The following TMEM70 variants were observed in gnomAD, a reference collection of about 807,000 sequenced individuals.
The protein encoded by TMEM70 is transmembrane protein 70, mitochondrial.
TMEM70 carries 15 observed loss-of-function variants against 20.5 expected under a neutral mutation model. The ratio of observed to expected loss-of-function variants is 0.73; its 90% CI spans 0.49 to 1.13. TMEM70 has a LOEUF of 1.13. TMEM70 is among the 50% of genes most tolerant of loss of function. The pLI is 0.00. For missense variants in TMEM70, 344 were observed against 331.7 expected (o/e 1.04, Z -0.29); for synonymous variants, 141 against 134.2 (o/e 1.05, Z -0.35).
At chr8:73,978,468 T>C (rs1325361156) in intron 1 of TMEM70, among the ~76,000 whole-genome samples, 1 of 147,478 alleles carries the variant, frequency 6.8e-6, no homozygotes. Flanking sequence ...AGGTGGCAGA[T>C]CACTTGAGGT....
chr8:73,978,632 A>G (rs1815711603), intron 1 of TMEM70, 124 bp from the exon 2 acceptor site: 3 of 946,188 alleles, frequency 3.2e-6, no homozygotes, highest in South Asian at 1.5e-5. Context: ...AGAGGTTGCA[A>G]TGGTGAGCTG....
In TMEM70 at chr8:73,979,208, T is replaced by C. The variant is rs1464557808; in HGVS notation, c.316+347T>C. 7.9e-6 allele frequency: 3 copies of C among 381,756 alleles called. No individual in the cohort carries two copies. In the East Asian group the frequency reaches 2.2e-4, roughly 28 times the overall value. The allele number at this position is 381,756 out of a possible 1,614,324, so 23.6% of individuals were successfully genotyped here. A position where few individuals can be genotyped will look rare whatever the true frequency, so the allele number is the denominator to read the frequency against. ...CACACTTGGCCAATTTTTGTATTTT[T>C]AGTAGAGACAGGGTTTCACCATGTT... On this transcript the variant is annotated intron_variant, in intron 2 of 2. Coordinates refer to ENST00000312184, the MANE Select transcript of TMEM70 (RefSeq NM_017866.6).
chr8:73,980,407 C>T (rs1203900384), intron 2 of TMEM70, among the ~76,000 whole-genome samples: 1 of 150,046 alleles, frequency 6.7e-6, no homozygotes, highest in African/African-American at 2.5e-5. Flanking sequence ...CTCGCTTTGT[C>T]TCCCAAGCTG....
chr8:73,980,161 T>G (rs1392644887), intron 2 of TMEM70, among the ~76,000 whole-genome samples: 1 of 152,056 alleles, frequency 6.6e-6, no homozygotes, highest in Non-Finnish European at 1.5e-5. Context: ...CAATCTGGGC[T>G]CACTGCAACC....
At position 73,982,345 on chromosome 8, in the gene TMEM70, A is replaced by T; in HGVS notation, c.*724A>T. On this transcript the variant is annotated 3_prime_UTR_variant, in exon 3 of 3. Coordinates refer to ENST00000312184, the MANE Select transcript of TMEM70 (RefSeq NM_017866.6). Reference sequence around the variant, plus strand: ...AAACTTACGGTGAAGGTTCTAAGGCATGGGATCGTTTCCAGATGAGAATCC... The same window carrying T: ...AAACTTACGGTGAAGGTTCTAAGGCTTGGGATCGTTTCCAGATGAGAATCC... 2 of 701,546 alleles carry T rather than the reference A, an allele frequency of 2.9e-6. No homozygotes were observed. Among genetic ancestry groups the T allele is most frequent in the Non-Finnish European group, 5.1e-6 (2 of 389,224 alleles). The allele number at this position is 701,546 out of a possible 1,614,324, so 43.5% of individuals were successfully genotyped here. A position where few individuals can be genotyped will look rare whatever the true frequency, so the allele number is the denominator to read the frequency against.
intron 2 of TMEM70, 129 bp from the exon 3 acceptor site, chr8:73,981,026 T>C: frequency 1.3e-6 from 1 of 765,568 alleles, no homozygotes; most frequent in Non-Finnish European, 2.2e-6. Context: ...TAATAAGCAC[T>C]GTATTTATGG....
At chr8:73,977,369 G>A (rs903069553) in intron 1 of TMEM70, among the ~76,000 whole-genome samples, 1 of 151,528 alleles carries the variant, frequency 6.6e-6, no homozygotes, top group African/African-American at 2.4e-5. Flanking sequence ...TGTATTTTTA[G>A]TAGAGACGGG....
At chr8:73,976,582 C>G (rs1815654681) in intron 1 of TMEM70, 91 bp downstream of exon 1, 1 of 1,271,212 alleles carries the variant, frequency 7.9e-7, no homozygotes, top group Non-Finnish European at 1.0e-6. Flanking sequence ...TTCGCGACCT[C>G]TCCCAGGTGT....
In TMEM70 at chr8:73,978,794, T is replaced by TA; in HGVS notation, c.250dup (p.Thr84AsnfsTer4). 1.9e-6 allele frequency: 3 copies of TA among 1,614,086 alleles called. No homozygotes were observed. The highest frequency in any genetic ancestry group is 2.5e-6 in the Non-Finnish European group (3 of 1,179,938). ...GGGAAGGATATGTTCGATTCTTAAATACGCCATCTGACAAATCAGAAGATG... is the reference window on the plus strand; with the variant it reads ...GGGAAGGATATGTTCGATTCTTAAATAACGCCATCTGACAAATCAGAAGATG... On this transcript the variant is annotated frameshift_variant, in exon 2 of 3. Transcript: ENST00000312184. LOFTEE classifies it high-confidence loss of function.
chr8:73,978,972 A>G (rs1815722968), intron 2 of TMEM70, 111 bp downstream of exon 2: 2 of 1,329,162 alleles, frequency 1.5e-6, no homozygotes, highest in Non-Finnish European at 2.1e-6. Flanking sequence ...ACAAGACGTA[A>G]GGAAAATTAG....
At position 73,976,323 on chromosome 8, in the gene TMEM70, G is replaced by A. The variant is rs747372086; in HGVS notation, c.42G>A (p.Leu14=). 55 of 1,600,864 alleles carry A rather than the reference G, an allele frequency of 3.4e-5. No homozygotes were observed. In the Admixed American group the frequency reaches 7.3e-4, roughly 21 times the overall value. Reference sequence around the variant, plus strand: ...TGGGCAGCCCGTGGGCGGTCGAACTGCCTCTCTGCGGAAGGAGGACTGCAT... The same window carrying A: ...TGGGCAGCCCGTGGGCGGTCGAACTACCTCTCTGCGGAAGGAGGACTGCAT... ...LALGSPWAVE[L]PLCGRRTALC... The change falls in exon 1 of 3, where the codon CTG becomes CTA. Residue 14 remains leucine, a synonymous_variant. Transcript: ENST00000312184.
In TMEM70 at chr8:73,981,449, A is replaced by T. The variant is rs764178639; in HGVS notation, c.611A>T (p.Asp204Val). The stretch of plus-strand genomic sequence containing the variant: ...CACCAGAATGATGTGAAGATTCCAG[A>T]TGCTAAACATGTATTTACCACATTT... ...VFHQNDVKIP[D>V]AKHVFTTFYA... Residue 204 changes from aspartate (D) to valine (V), a missense_variant, in exon 3 of 3, where the codon GAT (aspartate) becomes GTT (valine). By Grantham distance (152) the Asp-to-Val change is radical. Coordinates refer to ENST00000312184, the MANE Select transcript of TMEM70 (RefSeq NM_017866.6). 10 of 1,614,212 alleles carry T rather than the reference A, an allele frequency of 6.2e-6. No individual in the cohort carries two copies. The highest frequency in any genetic ancestry group is 8.5e-6 in the Non-Finnish European group (10 of 1,180,036).
rs1815641123 is a variant in TMEM70, at chr8:73,976,278, CG to C, written c.-3del. The C allele has an allele frequency of 1.3e-6, 2 of 1,599,594 alleles. No individual in the cohort carries two copies. Among genetic ancestry groups the C allele is most frequent in the African/African-American group, 1.3e-5 (1 of 74,890 alleles). On this transcript the variant is annotated 5_prime_UTR_variant, in exon 1 of 3. Transcript: ENST00000312184. The stretch of plus-strand genomic sequence containing the variant: ...GGCGTCCGCAGCCGCTCGTCACCCG[CG>C]TGATGCTGTTTCTGGCGTTGGGCAG...
At position 73,982,376 on chromosome 8, in the gene TMEM70, C is replaced by T. The variant is rs928499533; in HGVS notation, c.*755C>T. On this transcript the variant is annotated 3_prime_UTR_variant, in exon 3 of 3. Coordinates refer to ENST00000312184, the MANE Select transcript of TMEM70 (RefSeq NM_017866.6). Reference sequence around the variant, plus strand: ...TCGTTTCCAGATGAGAATCCACAAGCGACTCATTGACTTGCGCAGTCCTCA... The same window carrying T: ...TCGTTTCCAGATGAGAATCCACAAGTGACTCATTGACTTGCGCAGTCCTCA... The T allele has an allele frequency of 1.6e-5, 12 of 730,638 alleles. No individual in the cohort carries two copies. The highest frequency in any genetic ancestry group is 6.8e-5 in the African/African-American group (4 of 58,598). The allele number at this position is 730,638 out of a possible 1,614,324, so 45.3% of individuals were successfully genotyped here.
rs1206359628 is a variant in TMEM70, at chr8:73,976,255, C to A, written c.-27C>A. ...CAGTCGTGGACTCGTGCAGCTGGGG[C>A]GTCCGCAGCCGCTCGTCACCCGCGT... On this transcript the variant is annotated 5_prime_UTR_variant, in exon 1 of 3. Coordinates refer to ENST00000312184, the MANE Select transcript of TMEM70 (RefSeq NM_017866.6). The A allele has an allele frequency of 3.1e-6, 5 of 1,589,018 alleles. No homozygotes were observed. Among genetic ancestry groups the A allele is most frequent in the Admixed American group, 1.7e-5 (1 of 59,140 alleles).
intron 2 of TMEM70, among the ~76,000 whole-genome samples, chr8:73,979,953 A>G (rs1024624801): frequency 3.3e-5 from 5 of 152,170 alleles, no homozygotes; most frequent in Non-Finnish European, 7.3e-5. Context: ...AACTGGTCTC[A>G]AGCAGTCCTT....
rs1815647775 is a variant in TMEM70 at position 73,976,404 on chromosome 8, C to T, written c.123C>T (p.Ser41=). Residue 41 remains serine (S), a synonymous_variant, in exon 1 of 3, where the codon TCC becomes TCT. Transcript: ENST00000312184. ...GPRASVSRAS[S]SSGPSGPVAG... Reference sequence around the variant, plus strand: ...GGGCCTCTGTCTCCCGGGCGTCCTCCAGCAGCGGGCCTTCGGGGCCGGTAG... The same window carrying T: ...GGGCCTCTGTCTCCCGGGCGTCCTCTAGCAGCGGGCCTTCGGGGCCGGTAG... The T allele has an allele frequency of 1.3e-6, 2 of 1,585,936 alleles. No homozygotes were observed. Among genetic ancestry groups the T allele is most frequent in the Non-Finnish European group, 8.5e-7 (1 of 1,173,768 alleles).
At chr8:73,977,583 T>TA (rs1815684325) in intron 1 of TMEM70, among the ~76,000 whole-genome samples, 2 of 152,240 alleles carry the variant, frequency 1.3e-5, no homozygotes, top group Non-Finnish European at 2.9e-5. Context: ...TACTATCATA[T>TA]AAATATTTTA....
chr8:73,977,953 T>C (rs993159228), intron 1 of TMEM70, among the ~76,000 whole-genome samples: 2 of 152,220 alleles, frequency 1.3e-5, no homozygotes, highest in African/African-American at 2.4e-5. Flanking sequence ...GCTAACAAAC[T>C]CCAGCTCTGC....
Sources: allele counts gnomAD v4.1 joint callset (sites outside exome capture counted in the v4.1 genomes callset), GRCh38; gene constraint gnomAD v4.1.1; transcripts MANE v1.5; gene names NCBI Gene and HGNC (gene_info 2026-07-23, HGNC 2026-07-21).